PLA2G4E: variants seen among roughly 807,000 people sequenced by gnomAD.
PLA2G4E encodes phospholipase A2 group IVE, also known as cytosolic phospholipase A2 epsilon.
A neutral mutation model predicts 109.1 loss-of-function variants in PLA2G4E; 84 were observed. That is an observed-to-expected ratio of 0.77 (90% CI 0.65 to 0.92). The LOEUF is 0.92. Among genes scored for constraint, PLA2G4E ranks in the 40% least tolerant of loss-of-function variants. The pLI is 0.00. For synonymous variants in PLA2G4E, 469 were observed against 436.1 expected (o/e 1.08, Z -0.94); for missense variants, 1,057 against 1,076.6 (o/e 0.98, Z 0.25).
chr15:42,010,657 T>C (rs7183634), intron 2 of PLA2G4E, among the ~76,000 whole-genome samples: 18,639 of 152,176 alleles, frequency 0.12, 1,378 homozygotes, highest in South Asian at 0.3. Flanking sequence ...GATGACTCAA[T>C]CATCTCTATA....
At chr15:42,023,171 CA>C (rs897851522) in intron 1 of PLA2G4E, among the ~76,000 whole-genome samples, 6 of 151,086 alleles carry the variant, frequency 4.0e-5, no homozygotes, top group African/African-American at 1.5e-4. Context: ...AGAAATTGGG[CA>C]GAAAGAAGGA....
At chr15:42,003,061 T>C (rs922450864) in intron 5 of PLA2G4E, among the ~76,000 whole-genome samples, 1 of 152,212 alleles carries the variant, frequency 6.6e-6, no homozygotes, top group African/African-American at 2.4e-5. Context: ...ACAGTTTTGG[T>C]AGTGAAAATG....
intron 4 of PLA2G4E, among the ~76,000 whole-genome samples, chr15:42,005,477 C>T (rs1310225374): frequency 6.6e-6 from 1 of 152,228 alleles, no homozygotes; most frequent in African/African-American, 2.4e-5. Flanking sequence ...CAAGGGGACC[C>T]AGTGCCTAGA....
chr15:42,010,663 C>A (rs2068527229), intron 2 of PLA2G4E, among the ~76,000 whole-genome samples: 2 of 152,202 alleles, frequency 1.3e-5, no homozygotes, highest in African/African-American at 4.8e-5. Context: ...TCAATCATCT[C>A]TATAGATGTT....
chr15:42,029,773 A>G (rs1889081253), intron 1 of PLA2G4E, among the ~76,000 whole-genome samples: 2 of 152,246 alleles, frequency 1.3e-5, no homozygotes. Flanking sequence ...ATGGTTGTCC[A>G]GAATAAATGA....
intron 17 of PLA2G4E, among the ~76,000 whole-genome samples, chr15:41,986,634 C>T (rs1358585414): frequency 1.3e-5 from 2 of 151,908 alleles, no homozygotes; most frequent in African/African-American, 4.8e-5. Context: ...CCTTCTATCT[C>T]AGCCCCCAAG....
chr15:41,986,352 A>G (rs764440591), intron 17 of PLA2G4E, among the ~76,000 whole-genome samples: 1 of 152,214 alleles, frequency 6.6e-6, no homozygotes, highest in Admixed American at 6.5e-5. Context: ...GCCACGGCCA[A>G]TTAAAATATT....
intron 3 of PLA2G4E, 105 bp from the exon 4 acceptor site, chr15:42,006,226 A>G: frequency 7.0e-7 from 1 of 1,430,954 alleles, no homozygotes; most frequent in Non-Finnish European, 9.5e-7. Flanking sequence ...GGTCTGGGGG[A>G]TGGGAGACAG....
At chr15:42,020,835 C>T (rs894876858) in intron 1 of PLA2G4E, among the ~76,000 whole-genome samples, 100 bp downstream of exon 1, 1 of 152,128 alleles carries the variant, frequency 6.6e-6, no homozygotes, top group Non-Finnish European at 1.5e-5. Flanking sequence ...CCCTGAGGCC[C>T]GTCTCCTGCT....
chr15:42,010,131 G>GCCCCCCCC (rs758613773), intron 2 of PLA2G4E: 1 of 440,596 alleles, frequency 2.3e-6, no homozygotes, highest in African/African-American at 3.0e-5. Context: ...CCAGAACACT[G>GCCCCCCCC]GCCCCCCCAC....
intron 1 of PLA2G4E, among the ~76,000 whole-genome samples, chr15:42,036,106 T>A (rs1481093746): frequency 6.6e-6 from 1 of 152,216 alleles, no homozygotes; most frequent in African/African-American, 2.4e-5. Flanking sequence ...TATGATTTTG[T>A]GGGTTAGACA....
At chr15:42,021,071 T>C (rs2068644497) in intron 1 of PLA2G4E, among the ~76,000 whole-genome samples, 29 bp from the exon 1 acceptor site, 6 of 151,998 alleles carry the variant, frequency 3.9e-5, no homozygotes. Context: ...CAGGAACTTA[T>C]ACTCTGACTC....
In PLA2G4E at chr15:41,989,557, A is replaced by C. The variant is rs1339579210; in HGVS notation, c.1586-5T>G. ...AGGGGGAGAACTCGAACCACTCTGC[A>C]CATGAAGCAGCAGGACGGGGGTCAG... On this transcript the variant is annotated splice_region_variant and splice_polypyrimidine_tract_variant and intron_variant, in intron 14 of 19. Transcript: ENST00000399518. 1.2e-6 allele frequency: 2 copies of C among 1,612,142 alleles called. No individual in the cohort carries two copies. Among genetic ancestry groups the C allele is most frequent in the Non-Finnish European group, 1.7e-6 (2 of 1,178,670 alleles).
At chr15:42,001,183 G>A in exon 7 of PLA2G4E, 1 of 1,613,752 alleles carries the variant, frequency 6.2e-7, no homozygotes, top group Non-Finnish European at 8.5e-7. Flanking sequence ...CCGCCTCCTG[G>A]ATTGTGCATG....
intron 1 of PLA2G4E, among the ~76,000 whole-genome samples, chr15:42,036,743 G>A (rs1889223081): frequency 6.6e-6 from 1 of 152,174 alleles, no homozygotes; most frequent in African/African-American, 2.4e-5. Context: ...TGCGAAGGAG[G>A]GGCGGATGGA....
At chr15:42,012,671 G>T (rs578189905) in intron 2 of PLA2G4E, among the ~76,000 whole-genome samples, 1 of 152,192 alleles carries the variant, frequency 6.6e-6, no homozygotes, top group Non-Finnish European at 1.5e-5. Flanking sequence ...GTTCTCCTCT[G>T]CCTCTAAACT....
At chr15:42,003,934 C>G (rs182770069) in intron 5 of PLA2G4E, among the ~76,000 whole-genome samples, 1 of 152,134 alleles carries the variant, frequency 6.6e-6, no homozygotes, top group Non-Finnish European at 1.5e-5. Context: ...TACCTTCCCT[C>G]TTTGTTCCCT....
chr15:41,984,460 T>C, exon 19 of PLA2G4E: 3 of 1,613,434 alleles, frequency 1.9e-6, no homozygotes, highest in Non-Finnish European at 2.5e-6. Context: ...TTTCGGAAAG[T>C]GTCATTGATG....
At chr15:42,011,211 G>A (rs1004135996) in intron 2 of PLA2G4E, among the ~76,000 whole-genome samples, 6 of 152,278 alleles carry the variant, frequency 3.9e-5, no homozygotes, top group Non-Finnish European at 8.8e-5. Flanking sequence ...TGCCCAAGGG[G>A]CATGTAGGGA....
Sources: allele counts gnomAD v4.1 joint callset (sites outside exome capture counted in the v4.1 genomes callset), GRCh38; gene constraint gnomAD v4.1.1; transcripts MANE v1.5; gene names NCBI Gene and HGNC (gene_info 2026-07-23, HGNC 2026-07-21).